CTNNA2: variants seen among roughly 807,000 people sequenced by gnomAD.
CTNNA2 encodes the protein catenin alpha-2.
In CTNNA2, 42 loss-of-function variants were observed where a neutral mutation model predicts 101.0. The ratio of observed to expected loss-of-function variants is 0.42; its 90% CI spans 0.32 to 0.54. The LOEUF (loss-of-function observed/expected upper bound fraction) is 0.54. Ranked by LOEUF, CTNNA2 falls within the 20% of genes least tolerant of loss-of-function variation. The probability of loss-of-function intolerance (pLI) is 0.14; values close to 1 mark genes in which losing one functional copy is unlikely to be tolerated. For synonymous variants in CTNNA2, 450 were observed against 456.4 expected (o/e 0.99, Z 0.18); for missense variants, 871 against 1,223.1 (o/e 0.71, Z 4.29).
intron 4 of CTNNA2, among the ~76,000 whole-genome samples, chr2:79,440,126 G>T (rs7564015): frequency 6.6e-6 from 1 of 151,838 alleles, no homozygotes; most frequent in Non-Finnish European, 1.5e-5. Context: ...GTTTCTAAAG[G>T]TTCTATTAAG....
chr2:80,401,839 A>C (rs986255942), intron 8 of CTNNA2, among the ~76,000 whole-genome samples: 1 of 152,068 alleles, frequency 6.6e-6, no homozygotes, highest in Non-Finnish European at 1.5e-5. Flanking sequence ...TCCATAGCAC[A>C]CATTACCTCT....
intron 7 of CTNNA2, among the ~76,000 whole-genome samples, chr2:80,267,888 G>T (rs887407196): frequency 6.6e-6 from 1 of 152,204 alleles, no homozygotes; most frequent in Non-Finnish European, 1.5e-5. Context: ...GTGACCAGAA[G>T]GAATTTACCA....
At chr2:79,583,012 T>G (rs1676244903) in intron 1 of CTNNA2, among the ~76,000 whole-genome samples, 1 of 152,096 alleles carries the variant, frequency 6.6e-6, no homozygotes, top group African/African-American at 2.4e-5. Context: ...TCTAGCTTCT[T>G]TCACTGAGCA....
intron 13 of CTNNA2, chr2:80,578,934 C>CAGTA (rs1364327264): frequency 6.6e-6 from 1 of 152,110 alleles, no homozygotes; most frequent in Non-Finnish European, 1.5e-5. Flanking sequence ...TTATTAAGCA[C>CAGTA]AGTAATTATC....
At chr2:79,273,263 C>T (rs1675130809) in intron 2 of CTNNA2, among the ~76,000 whole-genome samples, 1 of 151,998 alleles carries the variant, frequency 6.6e-6, no homozygotes, top group African/African-American at 2.4e-5. Flanking sequence ...TTATCATCTC[C>T]AGTTTACAAA....
Position 79,311,468 on chromosome 2 carries a change from G to T in CTNNA2, c.-405-1241G>T, listed in dbSNP as rs1332089869. On this transcript the variant is annotated intron_variant, in intron 2 of 21. Coordinates refer to the CTNNA2 transcript ENST00000466387. Reference sequence around the variant, plus strand: ...TTAAATGATTTCTAAGGACTTGTTTGGTGCTAATGCTCTACAATCACCTGT... The same window carrying T: ...TTAAATGATTTCTAAGGACTTGTTTTGTGCTAATGCTCTACAATCACCTGT... 2.7e-5 allele frequency among the ~76,000 whole-genome samples: 4 copies of T among 150,274 alleles called. No homozygotes were observed. In the East Asian group the frequency reaches 5.9e-4, roughly 22 times the overall value.
intron 4 of CTNNA2, among the ~76,000 whole-genome samples, chr2:79,479,559 G>T (rs1432127245): frequency 6.6e-6 from 1 of 152,178 alleles, no homozygotes; most frequent in Non-Finnish European, 1.5e-5. Context: ...TCTAGACAAT[G>T]CTGGGTTATC....
chr2:80,317,061 T>C (rs1409315955), intron 7 of CTNNA2, among the ~76,000 whole-genome samples: 1 of 151,984 alleles, frequency 6.6e-6, no homozygotes, highest in Non-Finnish European at 1.5e-5. Context: ...CCATGAGATA[T>C]GCATACCAAG....
chr2:80,012,876 C>G (rs916915759), intron 7 of CTNNA2, among the ~76,000 whole-genome samples: 1 of 152,280 alleles, frequency 6.6e-6, no homozygotes, highest in South Asian at 2.1e-4. Flanking sequence ...AAATTTAAAA[C>G]ATTCTCGACG....
intron 3 of CTNNA2, among the ~76,000 whole-genome samples, chr2:79,768,425 T>G (rs551177606): frequency 1.3e-5 from 2 of 151,438 alleles, no homozygotes; most frequent in East Asian, 4.1e-4. Flanking sequence ...TTTTGGTTCC[T>G]TTGAAGATGT....
chr2:80,567,097 G>A (rs578157639), intron 12 of CTNNA2, among the ~76,000 whole-genome samples: 11 of 152,248 alleles, frequency 7.2e-5, no homozygotes, highest in African/African-American at 2.2e-4. Flanking sequence ...CGAAGTAGAC[G>A]TATAGATCCA....
intron 7 of CTNNA2, among the ~76,000 whole-genome samples, chr2:79,942,627 T>G: frequency 6.6e-6 from 1 of 152,256 alleles, no homozygotes; most frequent in East Asian, 1.9e-4. Flanking sequence ...ATGTCTACCA[T>G]TTATTGTTCT....
chr2:79,963,494 C>A (rs1050064360), intron 7 of CTNNA2, among the ~76,000 whole-genome samples: 1 of 152,168 alleles, frequency 6.6e-6, no homozygotes. Flanking sequence ...CAAAATGCAT[C>A]TCAACACTGC....
At chr2:79,715,379 A>G (rs1372674324) in intron 2 of CTNNA2, among the ~76,000 whole-genome samples, 4 of 152,154 alleles carry the variant, frequency 2.6e-5, no homozygotes, top group Non-Finnish European at 5.9e-5. Flanking sequence ...TAGATCTAGG[A>G]CCAACGAACA....
intron 2 of CTNNA2, among the ~76,000 whole-genome samples, chr2:79,296,967 C>CAAT (rs1675993367): frequency 6.6e-6 from 1 of 152,090 alleles, no homozygotes; most frequent in South Asian, 2.1e-4. Flanking sequence ...TCCTGCTGAG[C>CAAT]ATTGCTGCCA....
chr2:79,873,204 G>A (rs1682720650), intron 5 of CTNNA2, among the ~76,000 whole-genome samples: 1 of 151,994 alleles, frequency 6.6e-6, no homozygotes, highest in Non-Finnish European at 1.5e-5. Flanking sequence ...AGGCAAGTAG[G>A]GCCTCAGAAG....
intron 7 of CTNNA2, among the ~76,000 whole-genome samples, chr2:80,333,859 G>A (rs1671558917): frequency 6.6e-6 from 1 of 152,202 alleles, no homozygotes. Flanking sequence ...CTGGCCTCAA[G>A]TGATCCGCCT....
chr2:80,040,639 T>C (rs1023404640), intron 7 of CTNNA2, among the ~76,000 whole-genome samples: 1 of 152,212 alleles, frequency 6.6e-6, no homozygotes, highest in Non-Finnish European at 1.5e-5. Flanking sequence ...GGCATAATAC[T>C]GCATCCCAAA....
intron 4 of CTNNA2, among the ~76,000 whole-genome samples, chr2:79,374,660 G>T (rs1324786955): frequency 6.6e-6 from 1 of 152,030 alleles, no homozygotes; most frequent in Non-Finnish European, 1.5e-5. Flanking sequence ...ATATTTTAGT[G>T]GAAATTTGGG....
Sources: allele counts gnomAD v4.1 joint callset (sites outside exome capture counted in the v4.1 genomes callset), GRCh38; gene constraint gnomAD v4.1.1; transcripts MANE v1.5; gene names NCBI Gene and HGNC (gene_info 2026-07-23, HGNC 2026-07-21).